The following DYM variants were observed in gnomAD, a reference collection of about 807,000 sequenced individuals.
The protein encoded by DYM is dymeclin.
Under a neutral mutation model 93.1 loss-of-function variants are expected in DYM, and 78 were observed. The observed-to-expected ratio is 0.84, with a 90% CI of 0.70 to 1.01. The LOEUF is 1.01. Ranked by LOEUF, DYM falls within the 50% of genes least tolerant of loss-of-function variation. DYM has a pLI of 0.00. For synonymous variants in DYM, 321 were observed against 319.7 expected, an observed-to-expected ratio of 1.00 and a Z score of -0.04; for missense variants, 789 against 845.0, an observed-to-expected ratio of 0.93 and a Z score of 0.82.
At chr18:49,327,380 T>C in intron 8 of DYM, among the ~76,000 whole-genome samples, 1 of 152,014 alleles carries the variant, frequency 6.6e-6, no homozygotes, top group South Asian at 2.1e-4. Context: ...TTTTTGTTGT[T>C]GAGACAAAGT....
chr18:49,132,447 A>G (rs1368130500), intron 15 of DYM, among the ~76,000 whole-genome samples: 2 of 152,280 alleles, frequency 1.3e-5, no homozygotes, highest in Non-Finnish European at 2.9e-5. Context: ...TAACCATGAA[A>G]AAAGGGAAAA....
intron 1 of DYM, among the ~76,000 whole-genome samples, chr18:49,443,594 T>C (rs1481069513): frequency 6.6e-6 from 1 of 152,188 alleles, no homozygotes; most frequent in East Asian, 1.9e-4. Flanking sequence ...AAATACAATA[T>C]AGGAAGTATT....
Position 49,112,507 on chromosome 18 carries a change from G to T in DYM, c.1911+6237C>A, listed in dbSNP as rs2081514483. Among the ~76,000 whole-genome samples the T allele has an allele frequency of 2.0e-5, 3 of 152,066 alleles. No individual in the cohort carries two copies. The East Asian group carries it at 5.8e-4, about 29-fold the overall frequency. On this transcript the variant is annotated intron_variant, in intron 16 of 17. Coordinates refer to ENST00000675505, the MANE Select transcript of DYM (RefSeq NM_001353214.3). ...TGGGTGGGCCGATGACCCCTCCTTG[G>T]GATCTAGACTATTTGGTTGTCCTGT...
chr18:49,257,757 A>T (rs2094416947), intron 12 of DYM, among the ~76,000 whole-genome samples: 1 of 151,652 alleles, frequency 6.6e-6, no homozygotes, highest in Non-Finnish European at 1.5e-5. Context: ...CTGAGGCAAG[A>T]GGATCACTTA....
chr18:49,141,179 CTA>C (rs1243560606), intron 15 of DYM, among the ~76,000 whole-genome samples: 1 of 152,122 alleles, frequency 6.6e-6, no homozygotes, highest in African/African-American at 2.4e-5. Flanking sequence ...CTGATGTCAC[CTA>C]TGTTTCCATC....
chr18:49,351,527 C>T (rs2065121436), intron 6 of DYM, among the ~76,000 whole-genome samples: 1 of 151,606 alleles, frequency 6.6e-6, no homozygotes, highest in African/African-American at 2.4e-5. Context: ...ACTAACACAT[C>T]ACCATATTTC....
chr18:49,361,018 T>C (rs1409365495), intron 6 of DYM, among the ~76,000 whole-genome samples: 31 of 152,234 alleles, frequency 2.0e-4, no homozygotes, highest in Non-Finnish European at 4.4e-5. Flanking sequence ...AGTTCATGAC[T>C]TCTGCTCACA....
chr18:49,278,372 T>TA (rs2094895851), intron 10 of DYM, among the ~76,000 whole-genome samples: 1 of 152,136 alleles, frequency 6.6e-6, no homozygotes, highest in South Asian at 2.1e-4. Context: ...CTAAGGGAAA[T>TA]ACCAGCCGAA....
intron 5 of DYM, among the ~76,000 whole-genome samples, chr18:49,363,537 A>C (rs1365330648): frequency 6.6e-6 from 1 of 152,206 alleles, no homozygotes; most frequent in Non-Finnish European, 1.5e-5. Flanking sequence ...GTTTCTTTCA[A>C]TGAAATCTTA....
At chr18:49,191,016 G>C (rs1159730555) in intron 14 of DYM, among the ~76,000 whole-genome samples, 2 of 151,468 alleles carry the variant, frequency 1.3e-5, no homozygotes, top group Non-Finnish European at 2.9e-5. Context: ...GTTAAGTTTT[G>C]GGGAAGTTCA....
chr18:49,074,224 T>C (rs955276902), intron 17 of DYM, among the ~76,000 whole-genome samples: 1 of 152,248 alleles, frequency 6.6e-6, no homozygotes, highest in Admixed American at 6.5e-5. Flanking sequence ...GATAGTTGCA[T>C]CTGCACTGAA....
intron 8 of DYM, among the ~76,000 whole-genome samples, chr18:49,296,848 C>A (rs2060596976): frequency 6.6e-6 from 1 of 152,150 alleles, no homozygotes; most frequent in East Asian, 1.9e-4. Flanking sequence ...CTGGCTATAT[C>A]TCCTATGATC....
At chr18:49,425,797 G>A (rs2074223784) in intron 2 of DYM, among the ~76,000 whole-genome samples, 4 of 152,322 alleles carry the variant, frequency 2.6e-5, no homozygotes, top group African/African-American at 9.6e-5. Flanking sequence ...ATGAAAAAAT[G>A]CTCATCATCA....
At chr18:49,289,464 G>A (rs1436565200) in intron 8 of DYM, among the ~76,000 whole-genome samples, 1 of 144,630 alleles carries the variant, frequency 6.9e-6, no homozygotes, top group Non-Finnish European at 1.5e-5. Flanking sequence ...CAATAAAGGA[G>A]GCTGAGGCAG....
chr18:49,398,758 A>T (rs182964095), intron 2 of DYM, among the ~76,000 whole-genome samples: 27 of 152,302 alleles, frequency 1.8e-4, no homozygotes, highest in Non-Finnish European at 2.9e-4. Flanking sequence ...TTTTGTTGAC[A>T]ACCAGAAGAC....
At chr18:49,332,321 C>T in intron 7 of DYM, among the ~76,000 whole-genome samples, 1 of 152,160 alleles carries the variant, frequency 6.6e-6, no homozygotes, top group South Asian at 2.1e-4. Context: ...AGGCTGGTCT[C>T]AAACTCCTAA....
rs796373730 is a variant in DYM at position 49,317,551 on chromosome 18, T to TTCTCTCTCTC, written c.763+14303_763+14312dup. The stretch of plus-strand genomic sequence containing the variant: ...TGCCCTAGTCCTTAGCCATCTAGAT[T>TTCTCTCTCTC]TCTCTCTCTCTCTCTCTCTCTCTCT... On this transcript the variant is annotated intron_variant, in intron 8 of 17. Coordinates refer to ENST00000675505, the MANE Select transcript of DYM (RefSeq NM_001353214.3). Among the ~76,000 whole-genome samples, 53 of 29,310 alleles carry TTCTCTCTCTC rather than the reference T, an allele frequency of 1.8e-3. 7 individuals are homozygous for TTCTCTCTCTC. The highest frequency in any genetic ancestry group is 2.7e-3 in the Non-Finnish European group (43 of 15,856). 19.2% of individuals were successfully genotyped at this position (29,310 alleles called of 152,430 possible). A position where few individuals can be genotyped will look rare whatever the true frequency, so the allele number is the denominator to read the frequency against.
At chr18:49,182,235 GGCAAATGTTCCTAT>G (rs1210262017) in intron 14 of DYM, among the ~76,000 whole-genome samples, 2 of 152,102 alleles carry the variant, frequency 1.3e-5, no homozygotes, top group African/African-American at 4.8e-5. Context: ...GGTCTTTGTT[GGCAAATGTTCCTAT>G]GCAAATGTTT....
intron 15 of DYM, among the ~76,000 whole-genome samples, chr18:49,134,874 G>A (rs879861114): frequency 2.5e-4 from 38 of 152,304 alleles, no homozygotes; most frequent in Middle Eastern, 3.4e-3. Flanking sequence ...TTGGGAGGCT[G>A]AGGCGGTGGA....
Sources: gnomAD v4.1 joint callset for allele counts (sites outside exome capture counted in the v4.1 genomes callset) on GRCh38, gnomAD v4.1.1 for gene constraint, MANE v1.5 for transcripts, NCBI Gene and HGNC (gene_info 2026-07-23, HGNC 2026-07-21) for gene names.